The following GAB3 variants were observed in gnomAD, a reference collection of about 807,000 sequenced individuals.
GAB3 encodes the protein GRB2-associated-binding protein 3.
A neutral mutation model predicts 40.4 loss-of-function variants in GAB3; 12 were observed. That is an observed-to-expected ratio of 0.30 (90% CI 0.19 to 0.48). GAB3 has a LOEUF of 0.48. Ranked by LOEUF, GAB3 falls within the 20% of genes least tolerant of loss-of-function variation. The probability of loss-of-function intolerance (pLI) is 0.99; values close to 1 mark genes in which losing one functional copy is unlikely to be tolerated. For synonymous variants in GAB3, 154 were observed against 176.7 expected, an observed-to-expected ratio of 0.87 and a Z score of 1.02; for missense variants, 381 against 461.9, an observed-to-expected ratio of 0.82 and a Z score of 1.61.
At chrX:154,709,342 A>G (rs1476064260) in intron 4 of GAB3, among the ~76,000 whole-genome samples, 3 of 99,762 alleles carry the variant, frequency 3.0e-5, no homozygotes, top group Admixed American at 2.2e-4. Context: ...TTTTTTTGAG[A>G]CGAAGTCTTG....
chrX:154,722,375 C>T (rs2071147284), intron 1 of GAB3, among the ~76,000 whole-genome samples: 1 of 111,692 alleles, frequency 9.0e-6, no homozygotes. Flanking sequence ...ATCCAATGTA[C>T]AGCATGAGGA....
intron 6 of GAB3, among the ~76,000 whole-genome samples, chrX:154,698,042 A>G (rs1392023789): frequency 8.9e-6 from 1 of 112,474 alleles, no homozygotes; most frequent in Non-Finnish European, 1.9e-5. Context: ...TTGTCGTGAC[A>G]ACTAGCCACA....
chrX:154,703,371 G>T (rs1426152721), intron 4 of GAB3, among the ~76,000 whole-genome samples: 1 of 111,817 alleles, frequency 8.9e-6, no homozygotes, highest in African/African-American at 3.3e-5. Flanking sequence ...AGAGCTGGAG[G>T]CCACTGTTCT....
chrX:154,738,873 T>G (rs2071399322), intron 1 of GAB3, among the ~76,000 whole-genome samples: 1 of 111,887 alleles, frequency 8.9e-6, no homozygotes, highest in Non-Finnish European at 1.9e-5. Context: ...GTCAGTTGTT[T>G]TGGCCACCCA....
chrX:154,698,553 G>A (rs1256410498), intron 6 of GAB3, among the ~76,000 whole-genome samples: 2 of 112,097 alleles, frequency 1.8e-5, no homozygotes, highest in Non-Finnish European at 3.8e-5. Flanking sequence ...TGGAATGCAC[G>A]AGAGATCAGT....
rs781797260 is a variant in GAB3, at chrX:154,699,446, C to T, written c.1193G>A (p.Ser398Asn). ...AAGACCAGAGGCACCAGCCTGGGGGCTCATGGGCACATAGCTGTCTTCGAT... is the reference window on the plus strand; with the variant it reads ...AAGACCAGAGGCACCAGCCTGGGGGTTCATGGGCACATAGCTGTCTTCGAT... Reference protein sequence around the residue: ...ASIEDSYVPMSPQAGASGLGP... With the variant: ...ASIEDSYVPMNPQAGASGLGP... Residue 398 changes from serine to asparagine, a missense_variant, in exon 6 of 10, where the codon AGC (serine) becomes AAC (asparagine). By Grantham distance (46) the Ser-to-Asn change is conservative (BLOSUM62 1). Transcript: ENST00000424127. 9.9e-6 allele frequency: 12 copies of T among 1,211,585 alleles called. No individual in the cohort carries two copies. The East Asian group carries it at 3.3e-4, about 33-fold the overall frequency.
intron 4 of GAB3, among the ~76,000 whole-genome samples, chrX:154,710,180 C>G (rs972391400): frequency 9.0e-6 from 1 of 111,651 alleles, no homozygotes; most frequent in African/African-American, 3.2e-5. Flanking sequence ...AAAATAAGAC[C>G]TACAGAAATG....
intron 8 of GAB3, among the ~76,000 whole-genome samples, chrX:154,693,667 G>A (rs781889856): frequency 2.7e-5 from 3 of 111,622 alleles, no homozygotes; most frequent in Admixed American, 1.9e-4. Context: ...TGGTGGTTAC[G>A]CAAATCTCTA....
At chrX:154,742,423 T>G (rs782723632) in intron 1 of GAB3, among the ~76,000 whole-genome samples, 2 of 111,744 alleles carry the variant, frequency 1.8e-5, no homozygotes, top group Non-Finnish European at 3.8e-5. Context: ...ACCTTACATG[T>G]GCTCAGAACA....
In GAB3 at chrX:154,676,540, T is replaced by G. The variant is rs782677129; in HGVS notation, c.*1638A>C. ...GAACTCAGTTAAAATACTTAGAAAT[T>G]TCCCCCCACTTTGTCCAAGGAAGAA... On this transcript the variant is annotated 3_prime_UTR_variant, in exon 10 of 10. Transcript: ENST00000424127. 5.9e-4 allele frequency: 66 copies of G among 111,751 alleles called. No individual in the cohort carries two copies. Among genetic ancestry groups the G allele is most frequent in the African/African-American group, 1.8e-3 (55 of 30,733 alleles). The allele number at this position is 111,751 out of a possible 1,213,427, so 9.2% of individuals were successfully genotyped here.
rs1352596385 is a variant in GAB3, at chrX:154,709,522, A to C, written c.1069+2707T>G. Among the ~76,000 whole-genome samples the C allele has an allele frequency of 2.8e-5, 3 of 108,747 alleles. No individual in the cohort carries two copies. In the South Asian group the frequency reaches 1.2e-3, roughly 44 times the overall value. The allele number at this position is 108,747 out of a possible 115,157, so 94.4% of individuals were successfully genotyped here. A position where few individuals can be genotyped will look rare whatever the true frequency, so the allele number is the denominator to read the frequency against. On this transcript the variant is annotated intron_variant, in intron 4 of 9. Transcript: ENST00000424127. ...TTTAGTAGAGACAGGGTTCCACCAT[A>C]TTGGCCAGGCTGGTCTTGAACCTCT...
intron 1 of GAB3, among the ~76,000 whole-genome samples, chrX:154,747,397 G>A (rs1009105369): frequency 2.7e-5 from 3 of 112,252 alleles, no homozygotes; most frequent in Admixed American, 1.9e-4. Context: ...AAATGAAATC[G>A]GTATGCAAGA....
chrX:154,743,446 G>C (rs189966806), intron 1 of GAB3, among the ~76,000 whole-genome samples: 15 of 111,352 alleles, frequency 1.3e-4, no homozygotes, highest in African/African-American at 4.6e-4. Context: ...ATAAATAAAA[G>C]AAAAATAAAA....
At chrX:154,682,176 G>A (rs369896391) in intron 8 of GAB3, among the ~76,000 whole-genome samples, 1 of 111,671 alleles carries the variant, frequency 9.0e-6, no homozygotes, top group Non-Finnish European at 1.9e-5. Flanking sequence ...ACAGTGAACT[G>A]GATTGTGTAT....
chrX:154,744,583 AATTACAG>A (rs1242857508), intron 1 of GAB3, among the ~76,000 whole-genome samples: 12 of 112,623 alleles, frequency 1.1e-4, no homozygotes, highest in Middle Eastern at 4.7e-3. Context: ...ACAAATCTAC[AATTACAG>A]ATAGAAACTT....
At chrX:154,739,280 G>A (rs2071404306) in intron 1 of GAB3, among the ~76,000 whole-genome samples, 1 of 112,015 alleles carries the variant, frequency 8.9e-6, no homozygotes, top group Non-Finnish European at 1.9e-5. Flanking sequence ...CGTCATCCAT[G>A]TGTATTGCAG....
intron 9 of GAB3, chrX:154,679,407 C>T: frequency 4.3e-6 from 1 of 234,256 alleles, no homozygotes; most frequent in Non-Finnish European, 8.3e-6. Flanking sequence ...CCAAAACTGA[C>T]TAATGCTCCT....
intron 8 of GAB3, among the ~76,000 whole-genome samples, chrX:154,695,140 T>A (rs782763041): frequency 9.0e-6 from 1 of 111,669 alleles, no homozygotes; most frequent in Admixed American, 9.5e-5. Context: ...TTTTCAAAAT[T>A]TCGTAGTTCA....
At chrX:154,684,021 C>T (rs1240643855) in intron 8 of GAB3, among the ~76,000 whole-genome samples, 6 of 111,428 alleles carry the variant, frequency 5.4e-5, no homozygotes, top group South Asian at 3.7e-4. Flanking sequence ...ATTCATCAGT[C>T]GATGATCATT....
Sources: gnomAD v4.1 joint callset for allele counts (sites outside exome capture counted in the v4.1 genomes callset) on GRCh38, gnomAD v4.1.1 for gene constraint, MANE v1.5 for transcripts, NCBI Gene and HGNC (gene_info 2026-07-23, HGNC 2026-07-21) for gene names.